Variants in ASCC1 observed in about 807,000 individuals in gnomAD.
The protein encoded by ASCC1 is activating signal cointegrator 1 complex subunit 1, also known as ASC-1 complex subunit P50.
Under a neutral mutation model 46.6 loss-of-function variants are expected in ASCC1, and 35 were observed. The ratio of observed to expected loss-of-function variants is 0.75; its 90% CI spans 0.57 to 0.99. The LOEUF is 0.99. Ranked by LOEUF, ASCC1 falls within the 50% of genes least tolerant of loss-of-function variation. ASCC1 has a pLI of 0.00. For synonymous variants in ASCC1, 143 were observed against 146.6 expected (o/e 0.98, Z 0.18); for missense variants, 376 against 428.7 (o/e 0.88, Z 1.09).
intron 9 of ASCC1, among the ~76,000 whole-genome samples, chr10:72,116,856 GC>G (rs1178149784): frequency 6.6e-6 from 1 of 152,162 alleles, no homozygotes; most frequent in Non-Finnish European, 1.5e-5. Context: ...CACTTGGGAG[GC>G]CAAGACAGGA....
chr10:72,168,660 T>C (rs929704969), intron 5 of ASCC1, among the ~76,000 whole-genome samples: 1 of 152,130 alleles, frequency 6.6e-6, no homozygotes, highest in Non-Finnish European at 1.5e-5. Context: ...CTTTTGGGGA[T>C]AAAGTTAAAC....
chr10:72,103,891 C>G (rs1289927556), intron 9 of ASCC1, among the ~76,000 whole-genome samples: 3 of 152,138 alleles, frequency 2.0e-5, no homozygotes, highest in Admixed American at 2.0e-4. Context: ...AAAATCAAAC[C>G]TACTTACAAA....
intron 5 of ASCC1, among the ~76,000 whole-genome samples, chr10:72,184,065 A>G (rs1279582142): frequency 2.0e-5 from 3 of 151,580 alleles, no homozygotes; most frequent in Non-Finnish European, 4.4e-5. Context: ...AATCGCTTGA[A>G]CCGGGGAGGC....
intron 9 of ASCC1, among the ~76,000 whole-genome samples, chr10:72,107,149 CAG>C (rs1189709275): frequency 6.7e-6 from 1 of 149,828 alleles, no homozygotes; most frequent in Non-Finnish European, 1.5e-5. Flanking sequence ...AGGGAGCAAA[CAG>C]AAAGATACAA....
At chr10:72,156,081 T>C (rs1848919554) in intron 6 of ASCC1, among the ~76,000 whole-genome samples, 1 of 152,232 alleles carries the variant, frequency 6.6e-6, no homozygotes, top group African/African-American at 2.4e-5. Context: ...AGGTGGGGCC[T>C]AGTGGGAGGT....
rs1848549481 is a variant in ASCC1 at position 72,153,007 on chromosome 10, T to C, written c.627-19A>G. 1.2e-6 allele frequency: 2 copies of C among 1,613,906 alleles called. No individual in the cohort carries two copies. Among genetic ancestry groups the C allele is most frequent in the Non-Finnish European group, 1.7e-6 (2 of 1,179,916 alleles). On this transcript the variant is annotated intron_variant, in intron 6 of 9. Coordinates refer to ENST00000672957, the MANE Select transcript of ASCC1 (RefSeq NM_001198800.3). ...AATATCACTGCAAAGGAAAAAGCAT[T>C]AAGATATCTATAACTGTTTAAGCTA...
chr10:72,125,967 T>C (rs1844817702), intron 9 of ASCC1, among the ~76,000 whole-genome samples: 2 of 152,238 alleles, frequency 1.3e-5, no homozygotes. Context: ...AGTGTTGATA[T>C]TATATTCGAT....
chr10:72,210,714 G>T lies in ASCC1; in HGVS notation c.212+18C>A. On this transcript the variant is annotated intron_variant, in intron 3 of 9. Transcript: ENST00000672957. ...CCTGGAAGTGTCTTCCCATGAAACTGTTGGGGACATGACTCACTTATAGAG... is the reference window on the plus strand; with the variant it reads ...CCTGGAAGTGTCTTCCCATGAAACTTTTGGGGACATGACTCACTTATAGAG... 1.9e-6 allele frequency: 3 copies of T among 1,609,380 alleles called. No individual in the cohort carries two copies. Among genetic ancestry groups the T allele is most frequent in the Non-Finnish European group, 2.6e-6 (3 of 1,175,738 alleles).
chr10:72,153,648 G>A (rs1322458088), intron 6 of ASCC1, among the ~76,000 whole-genome samples: 3 of 151,610 alleles, frequency 2.0e-5, no homozygotes, highest in Non-Finnish European at 4.4e-5. Context: ...GGATGGCCTC[G>A]ATCTCCTGAC....
intron 5 of ASCC1, among the ~76,000 whole-genome samples, chr10:72,184,517 T>G (rs1027099514): frequency 1.3e-5 from 2 of 151,990 alleles, no homozygotes; most frequent in African/African-American, 4.8e-5. Flanking sequence ...AATGGTTATA[T>G]TAACATCAAA....
chr10:72,207,997 A>AT (rs1471037258), intron 3 of ASCC1, among the ~76,000 whole-genome samples: 3 of 151,414 alleles, frequency 2.0e-5, no homozygotes, highest in African/African-American at 7.3e-5. Context: ...TTTTATTTTT[A>AT]TTTTTTGTTG....
intron 9 of ASCC1, among the ~76,000 whole-genome samples, chr10:72,100,125 T>C (rs1841569422): frequency 6.6e-6 from 1 of 152,188 alleles, no homozygotes; most frequent in African/African-American, 2.4e-5. Context: ...CCAATCTTCA[T>C]GTCACCCTTC....
At chr10:72,156,501 G>A (rs530531981) in intron 6 of ASCC1, among the ~76,000 whole-genome samples, 28 of 152,284 alleles carry the variant, frequency 1.8e-4, no homozygotes, top group Non-Finnish European at 2.8e-4. Context: ...GGTGGCTCAC[G>A]CCTGTAATCC....
intron 7 of ASCC1, among the ~76,000 whole-genome samples, chr10:72,142,992 T>C (rs1385598181): frequency 6.6e-6 from 1 of 151,766 alleles, no homozygotes; most frequent in Admixed American, 6.6e-5. Flanking sequence ...AAACCCCATC[T>C]CTACTAAAAA....
chr10:72,174,469 C>T (rs1002873573), intron 5 of ASCC1, among the ~76,000 whole-genome samples: 24 of 152,072 alleles, frequency 1.6e-4, no homozygotes, highest in African/African-American at 5.6e-4. Context: ...AGATGGGATA[C>T]AACACAGGTG....
At chr10:72,159,693 T>C (rs1849393612) in intron 6 of ASCC1, among the ~76,000 whole-genome samples, 1 of 152,162 alleles carries the variant, frequency 6.6e-6, no homozygotes, top group Admixed American at 6.5e-5. Context: ...CAAATTATTT[T>C]GAATTTCAGG....
chr10:72,206,917 C>A (rs920365083), intron 3 of ASCC1, among the ~76,000 whole-genome samples: 1 of 152,156 alleles, frequency 6.6e-6, no homozygotes, highest in Non-Finnish European at 1.5e-5. Context: ...CAGCACCACC[C>A]TTTATGCAAG....
At chr10:72,121,378 CAAGT>C (rs1844182710) in intron 9 of ASCC1, among the ~76,000 whole-genome samples, 1 of 152,078 alleles carries the variant, frequency 6.6e-6, no homozygotes, top group Non-Finnish European at 1.5e-5. Context: ...CTCCTGGCCT[CAAGT>C]GATCCTCCCA....
At chr10:72,128,302 T>C (rs1845132969) in intron 8 of ASCC1, 135 bp from the exon 9 acceptor site, 1 of 729,682 alleles carries the variant, frequency 1.4e-6, no homozygotes, top group Admixed American at 2.0e-5. Flanking sequence ...AGAGGAAAAA[T>C]GTCAGGCTAT....
Sources: allele counts gnomAD v4.1 joint callset (sites outside exome capture counted in the v4.1 genomes callset), GRCh38; gene constraint gnomAD v4.1.1; transcripts MANE v1.5; gene names NCBI Gene and HGNC (gene_info 2026-07-23, HGNC 2026-07-21).